Variants in NIPSNAP2 observed in about 807,000 individuals in gnomAD.
The protein encoded by NIPSNAP2 is protein NipSnap homolog 2.
NIPSNAP2 carries 42 observed loss-of-function variants against 48.4 expected under a neutral mutation model. That is an observed-to-expected ratio of 0.87 (90% CI 0.68 to 1.12). The LOEUF (loss-of-function observed/expected upper bound fraction) is 1.12, where lower values mean the gene tolerates loss of function less well. Ranked by LOEUF, NIPSNAP2 falls within the 50% of genes most tolerant of loss-of-function variation. The pLI, the probability that NIPSNAP2 is intolerant of heterozygous loss-of-function variation, is 0.00. For synonymous variants in NIPSNAP2, 158 were observed against 126.6 expected, an observed-to-expected ratio of 1.25 and a Z score of -1.67; for missense variants, 314 against 347.3, an observed-to-expected ratio of 0.90 and a Z score of 0.76.
At chr7:55,972,821 G>A (rs1787040954) in intron 1 of NIPSNAP2, among the ~76,000 whole-genome samples, 1 of 152,088 alleles carries the variant, frequency 6.6e-6, no homozygotes, top group African/African-American at 2.4e-5. Context: ...ATTGGAATAT[G>A]GCTGGGTGTG....
At chr7:55,985,973 A>C (rs180925019) in intron 7 of NIPSNAP2, among the ~76,000 whole-genome samples, 1 of 151,764 alleles carries the variant, frequency 6.6e-6, no homozygotes, top group African/African-American at 2.4e-5. Flanking sequence ...GCTTGAACCC[A>C]GGAGGCAGAG....
At position 55,987,004 on chromosome 7, in the gene NIPSNAP2, A is replaced by AC. The variant is rs1360118795; in HGVS notation, c.617+2126_617+2127insC. On this transcript the variant is annotated intron_variant, in intron 7 of 9. Coordinates refer to ENST00000322090, the MANE Select transcript of NIPSNAP2 (RefSeq NM_001483.3). ...TCTATAAAAAAAAAAAAAAAAAAAA[A>AC]AAAAAACTTGCCAGGCGTGGTGGTG... 1.9e-3 allele frequency among the ~76,000 whole-genome samples: 268 copies of AC among 144,092 alleles called. 4 individuals carry two copies. The highest frequency in any genetic ancestry group is 3.3e-3 in the Non-Finnish European group (212 of 64,522). 94.5% of individuals were successfully genotyped at this position (144,092 alleles called of 152,430 possible). A position where few individuals can be genotyped will look rare whatever the true frequency, so the allele number is the denominator to read the frequency against.
At chr7:55,975,494 C>T (rs1009264649) in intron 1 of NIPSNAP2, among the ~76,000 whole-genome samples, 16 of 151,976 alleles carry the variant, frequency 1.1e-4, no homozygotes, top group African/African-American at 3.1e-4. Flanking sequence ...TCCATACATA[C>T]GATGTTCTAG....
Position 55,999,125 on chromosome 7 carries a change from T to C in NIPSNAP2, c.*53T>C. The C allele has an allele frequency of 7.0e-7, 1 of 1,426,690 alleles. No homozygotes were observed. The highest frequency in any genetic ancestry group is 9.8e-7 in the Non-Finnish European group (1 of 1,015,618). 88.4% of individuals were successfully genotyped at this position (1,426,690 alleles called of 1,614,324 possible). On this transcript the variant is annotated 3_prime_UTR_variant, in exon 10 of 10. Transcript: ENST00000322090. ...ACATTTCTGTGACAAGTATTTGTCG[T>C]AAATTAATTTTAATTGTGTATCAAG... is the stretch of plus-strand genomic sequence containing the variant.
At position 55,991,538 on chromosome 7, in the gene NIPSNAP2, G is replaced by T. The variant is rs1249097485; in HGVS notation, c.618-3356G>T. On this transcript the variant is annotated intron_variant, in intron 7 of 9. Coordinates refer to ENST00000322090, the MANE Select transcript of NIPSNAP2 (RefSeq NM_001483.3). Reference sequence around the variant, plus strand: ...AAGATGGGCAGATCACCTGAGGTCAGAAGTTCGAGACCAGCCTGACCAACA... The same window carrying T: ...AAGATGGGCAGATCACCTGAGGTCATAAGTTCGAGACCAGCCTGACCAACA... Among the ~76,000 whole-genome samples the T allele has an allele frequency of 2.0e-5, 3 of 151,994 alleles. No individual in the cohort carries two copies. The East Asian group carries it at 5.8e-4, about 29-fold the overall frequency.
chr7:55,976,722 C>T (rs927762658), intron 1 of NIPSNAP2, among the ~76,000 whole-genome samples: 1 of 152,038 alleles, frequency 6.6e-6, no homozygotes, highest in African/African-American at 2.4e-5. Context: ...CCCATCTCTA[C>T]AAAAAATTTA....
At chr7:55,995,086 CT>C (rs1333563302) in intron 8 of NIPSNAP2, 98 bp downstream of exon 8, 48 of 991,894 alleles carry the variant, frequency 4.8e-5, no homozygotes, top group Non-Finnish European at 7.6e-5. Context: ...ACCTTAACCA[CT>C]ACAGCAAATC....
intron 6 of NIPSNAP2, 124 bp downstream of exon 6, chr7:55,983,992 T>TAC: frequency 1.5e-6 from 1 of 675,520 alleles, no homozygotes; most frequent in Non-Finnish European, 2.2e-6. Flanking sequence ...TATGTATATA[T>TAC]ATGTATTTTT....
At chr7:55,977,378 G>A (rs561383098) in intron 1 of NIPSNAP2, among the ~76,000 whole-genome samples, 8 of 152,208 alleles carry the variant, frequency 5.3e-5, no homozygotes, top group South Asian at 2.1e-4. Context: ...GCGATAGAGC[G>A]AGACTCCATC....
intron 3 of NIPSNAP2, chr7:55,980,873 T>C (rs1787200169): frequency 6.6e-6 from 1 of 152,252 alleles, no homozygotes; most frequent in Non-Finnish European, 1.5e-5. Context: ...TTTTTATTCT[T>C]CTGCCATGTT....
chr7:55,999,559 A>G lies in NIPSNAP2; in HGVS notation c.*487A>G, dbSNP rs540147739. ...AGTTTCTGAGGAGGAACAAATTACA[A>G]GTGTACCCAATAACTGAAAATGTTT... On this transcript the variant is annotated 3_prime_UTR_variant, in exon 10 of 10. Coordinates refer to ENST00000322090, the MANE Select transcript of NIPSNAP2 (RefSeq NM_001483.3). The G allele has an allele frequency of 6.0e-3, 935 of 155,768 alleles. 2 individuals are homozygous for G. The highest frequency in any genetic ancestry group is 8.6e-3 in the Non-Finnish European group (603 of 70,312). 9.6% of individuals were successfully genotyped at this position (155,768 alleles called of 1,614,324 possible). A position where few individuals can be genotyped will look rare whatever the true frequency, so the allele number is the denominator to read the frequency against.
intron 8 of NIPSNAP2, 35 bp downstream of exon 8, chr7:55,995,023 T>G: frequency 6.5e-7 from 1 of 1,537,404 alleles, no homozygotes; most frequent in South Asian, 1.1e-5. Context: ...TACTGGGATT[T>G]AAGAGTTCAT....
chr7:55,996,508 A>G (rs1429508878), intron 8 of NIPSNAP2, among the ~76,000 whole-genome samples: 1 of 152,020 alleles, frequency 6.6e-6, no homozygotes, highest in Non-Finnish European at 1.5e-5. Context: ...TGTATGGGCC[A>G]CGGCACTCTC....
At chr7:55,991,518 G>A (rs1010258964) in intron 7 of NIPSNAP2, among the ~76,000 whole-genome samples, 1 of 151,906 alleles carries the variant, frequency 6.6e-6, no homozygotes, top group African/African-American at 2.4e-5. Context: ...AGGCCAAGAT[G>A]GGCAGATCAC....
intron 7 of NIPSNAP2, among the ~76,000 whole-genome samples, chr7:55,991,409 C>T (rs933740908): frequency 2.0e-5 from 3 of 152,006 alleles, no homozygotes; most frequent in Non-Finnish European, 4.4e-5. Context: ...AAGACTCGCT[C>T]GCCGTGGAAT....
At position 55,994,986 on chromosome 7, in the gene NIPSNAP2, G is replaced by A; in HGVS notation, c.710G>A (p.Trp237Ter). ...IGQLYMVHHL[W>*]AYRDLQTRED... ...CAGCTGTACATGGTGCACCATCTTT[G>A]GGGTATCTGTTTTTCCCTTTTCGAG... is the stretch of plus-strand genomic sequence containing the variant. Residue 237 changes from tryptophan (W) to a stop codon, truncating the protein, a stop_gained and splice_region_variant, in exon 8 of 10, where the codon TGG becomes TAG. Transcript: ENST00000322090. LOFTEE classifies it high-confidence loss of function. The A allele has an allele frequency of 6.2e-7, 1 of 1,613,278 alleles. No homozygotes were observed. Among genetic ancestry groups the A allele is most frequent in the Non-Finnish European group, 8.5e-7 (1 of 1,179,262 alleles).
intron 3 of NIPSNAP2, chr7:55,978,602 C>G: frequency 1.8e-6 from 1 of 555,986 alleles, no homozygotes. Context: ...ATCATATAGG[C>G]TATCAGACTT....
intron 1 of NIPSNAP2, among the ~76,000 whole-genome samples, chr7:55,968,966 G>A (rs898222106): frequency 4.0e-5 from 6 of 151,690 alleles, no homozygotes; most frequent in African/African-American, 1.2e-4. Context: ...GTAATTGCTC[G>A]AGCGCAGGAG....
At chr7:55,976,133 C>T (rs1026370906) in intron 1 of NIPSNAP2, among the ~76,000 whole-genome samples, 5 of 152,172 alleles carry the variant, frequency 3.3e-5, no homozygotes, top group Non-Finnish European at 5.9e-5. Context: ...TACTCCCACC[C>T]CAGGCCCAGT....
Sources: allele counts gnomAD v4.1 joint callset (sites outside exome capture counted in the v4.1 genomes callset), GRCh38; gene constraint gnomAD v4.1.1; transcripts MANE v1.5; gene names NCBI Gene and HGNC (gene_info 2026-07-23, HGNC 2026-07-21).